RASAL2: variants seen among roughly 807,000 people sequenced by gnomAD.
RASAL2 encodes the protein ras GTPase-activating protein nGAP.
In RASAL2, 58 loss-of-function variants were observed where a neutral mutation model predicts 128.9. The observed-to-expected ratio is 0.45, with a 90% confidence interval of 0.36 to 0.56. RASAL2 has a LOEUF of 0.56. Among genes scored for constraint, RASAL2 ranks in the 20% least tolerant of loss-of-function variants. The probability of loss-of-function intolerance (pLI) is 0.00; values close to 1 mark genes in which losing one functional copy is unlikely to be tolerated. For missense variants in RASAL2, 1,360 were observed against 1,601.6 expected (o/e 0.85, Z 2.57); for synonymous variants, 561 against 580.8 (o/e 0.97, Z 0.49).
At chr1:178,338,656 T>C (rs1669712513) in intron 3 of RASAL2, among the ~76,000 whole-genome samples, 1 of 152,238 alleles carries the variant, frequency 6.6e-6, no homozygotes, top group South Asian at 2.1e-4. Context: ...ATCATAGATG[T>C]AGCCTCCGGG....
intron 1 of RASAL2, among the ~76,000 whole-genome samples, chr1:178,199,299 G>A (rs975103226): frequency 4.6e-5 from 7 of 152,096 alleles, no homozygotes; most frequent in Admixed American, 1.3e-4. Flanking sequence ...CTCGCCCTCC[G>A]TGGGCTGTAC....
intron 1 of RASAL2, among the ~76,000 whole-genome samples, chr1:178,232,125 A>T (rs1664035364): frequency 2.0e-5 from 3 of 152,148 alleles, no homozygotes; most frequent in African/African-American, 7.2e-5. Flanking sequence ...CAACTTGCAG[A>T]GTGACTTTGA....
chr1:178,438,146 A>G (rs1557988788), intron 5 of RASAL2, among the ~76,000 whole-genome samples: 2 of 137,932 alleles, frequency 1.4e-5, no homozygotes, highest in African/African-American at 5.5e-5. Context: ...GTGTGTGTGG[A>G]AAGAAGAAGA....
At chr1:178,195,446 T>A (rs1285622240) in intron 1 of RASAL2, among the ~76,000 whole-genome samples, 4 of 152,198 alleles carry the variant, frequency 2.6e-5, no homozygotes, top group Non-Finnish European at 4.4e-5. Flanking sequence ...AATATTGCTG[T>A]ACCACTTAAT....
At position 178,412,852 on chromosome 1, in the gene RASAL2, G is replaced by C. The variant is rs1572029438; in HGVS notation, c.565-7659G>C. ...ATTTTTAAAAATTTTACCTCCTAGAGTCCTACCAGGTTCTCACAGTGAATA... is the reference window on the plus strand; with the variant it reads ...ATTTTTAAAAATTTTACCTCCTAGACTCCTACCAGGTTCTCACAGTGAATA... On this transcript the variant is annotated intron_variant, in intron 4 of 17. Coordinates refer to ENST00000367649, the MANE Select transcript of RASAL2 (RefSeq NM_170692.4). Among the ~76,000 whole-genome samples, 3 of 152,044 alleles carry C rather than the reference G, an allele frequency of 2.0e-5. No homozygotes were observed. In the East Asian group the frequency reaches 5.8e-4, roughly 29 times the overall value.
Position 178,225,054 on chromosome 1 carries a change from GT to G in RASAL2, c.203-58503del, listed in dbSNP as rs554381511. Among the ~76,000 whole-genome samples, 368 of 151,954 alleles carry G rather than the reference GT, an allele frequency of 2.4e-3. 1 individual carries two copies. The highest frequency in any genetic ancestry group is 8.6e-3 in the African/African-American group (357 of 41,486). ...GAACTGGAAATTAGGATATACTTGTGTTTTTTTATTTTTGCTGTTAACTTCT... is the reference window on the plus strand; with the variant it reads ...GAACTGGAAATTAGGATATACTTGTGTTTTTTATTTTTGCTGTTAACTTCT... On this transcript the variant is annotated intron_variant, in intron 1 of 17. Coordinates refer to ENST00000367649, the MANE Select transcript of RASAL2 (RefSeq NM_170692.4).
intron 2 of RASAL2, among the ~76,000 whole-genome samples, chr1:178,287,266 T>C (rs1333048166): frequency 6.6e-6 from 1 of 151,880 alleles, no homozygotes; most frequent in East Asian, 1.9e-4. Flanking sequence ...AACAAATGGC[T>C]GCAAACCTCA....
intron 1 of RASAL2, among the ~76,000 whole-genome samples, chr1:178,099,167 A>G (rs1658800279): frequency 6.6e-6 from 1 of 152,160 alleles, no homozygotes; most frequent in South Asian, 2.1e-4. Flanking sequence ...ACATCCCCAA[A>G]CATGTTCATG....
chr1:178,314,492 TTGGACAAG>T (rs1668405241), intron 3 of RASAL2, among the ~76,000 whole-genome samples: 1 of 152,250 alleles, frequency 6.6e-6, no homozygotes, highest in Non-Finnish European at 1.5e-5. Flanking sequence ...TACAGGGTTA[TTGGACAAG>T]TGTTATGTTT....
intron 1 of RASAL2, among the ~76,000 whole-genome samples, chr1:178,226,716 G>T (rs1477744494): frequency 6.6e-6 from 1 of 152,182 alleles, no homozygotes; most frequent in African/African-American, 2.4e-5. Context: ...GGCGGCCGAG[G>T]CAGGCAGATC....
chr1:178,239,260 G>A (rs1378633328), intron 1 of RASAL2, among the ~76,000 whole-genome samples: 4 of 152,066 alleles, frequency 2.6e-5, no homozygotes, highest in African/African-American at 4.8e-5. Flanking sequence ...TATTTTGAAA[G>A]CTATGTGTGT....
intron 3 of RASAL2, among the ~76,000 whole-genome samples, chr1:178,374,057 TGCTGTGGCA>T (rs1022055464): frequency 6.6e-5 from 10 of 152,162 alleles, no homozygotes; most frequent in African/African-American, 2.2e-4. Context: ...TCCCATGCTC[TGCTGTGGCA>T]GTGCTAAGCT....
chr1:178,259,145 T>TTTC (rs1665532331), intron 1 of RASAL2, among the ~76,000 whole-genome samples: 2 of 132,912 alleles, frequency 1.5e-5, no homozygotes, highest in Non-Finnish European at 3.2e-5. Flanking sequence ...TTTTTTTTTT[T>TTTC]TTTGAGACGG....
intron 1 of RASAL2, among the ~76,000 whole-genome samples, chr1:178,101,188 T>C (rs1658882952): frequency 6.6e-6 from 1 of 152,122 alleles, no homozygotes; most frequent in Non-Finnish European, 1.5e-5. Flanking sequence ...TTAGTGAGTA[T>C]ACAGTAAACA....
At chr1:178,454,674 G>C (rs1677639633) in intron 12 of RASAL2, 26 bp downstream of exon 12, 1 of 1,589,110 alleles carries the variant, frequency 6.3e-7, no homozygotes, top group East Asian at 2.2e-5. Flanking sequence ...GGAAGATAGA[G>C]AACTTTAATG....
rs115754055 is a variant in RASAL2, at chr1:178,262,545, A to G, written c.203-21019A>G. Among the ~76,000 whole-genome samples, 977 of 152,292 alleles carry G rather than the reference A, an allele frequency of 6.4e-3. 4 individuals carry two copies. Among genetic ancestry groups the G allele is most frequent in the South Asian group, 0.025 (121 of 4,826 alleles). On this transcript the variant is annotated intron_variant, in intron 1 of 17. Transcript: ENST00000367649. The stretch of plus-strand genomic sequence containing the variant: ...TCAGCTTTTTTAAAAATAGCAAAAG[A>G]TGTCACCCATCAAATTTGTCATTGT...
At chr1:178,311,198 G>T (rs1029261247) in intron 3 of RASAL2, among the ~76,000 whole-genome samples, 8 of 149,498 alleles carry the variant, frequency 5.4e-5, no homozygotes, top group African/African-American at 1.7e-4. Flanking sequence ...TTAAAGACAT[G>T]ATCCATCAAG....
intron 1 of RASAL2, among the ~76,000 whole-genome samples, chr1:178,152,318 C>T (rs1406144368): frequency 6.6e-6 from 1 of 152,204 alleles, no homozygotes; most frequent in African/African-American, 2.4e-5. Context: ...CCCATCTTAA[C>T]TTGCCCTACG....
Position 178,454,632 on chromosome 1 carries a change from T to C in RASAL2, c.2195T>C (p.Val732Ala). 1 of 1,613,590 alleles carries C rather than the reference T, an allele frequency of 6.2e-7. No individual in the cohort carries two copies. The highest frequency in any genetic ancestry group is 8.5e-7 in the Non-Finnish European group (1 of 1,179,584). ...TTGCATTCCTTACTGTGGGAAGTAG[T>C]TTCCCAACTTGATAAGGTAAAGTAG... Reference protein sequence around the residue: ...SVLHSLLWEVVSQLDKATVAK... With the variant: ...SVLHSLLWEVASQLDKATVAK... Residue 732 changes from valine (V) to alanine (A), a missense_variant, in exon 12 of 18, where the codon GTT becomes GCT. Coordinates refer to ENST00000367649, the MANE Select transcript of RASAL2 (RefSeq NM_170692.4).
Sources: gnomAD v4.1 joint callset for allele counts (sites outside exome capture counted in the v4.1 genomes callset) on GRCh38, gnomAD v4.1.1 for gene constraint, MANE v1.5 for transcripts, NCBI Gene and HGNC (gene_info 2026-07-23, HGNC 2026-07-21) for gene names.